DCLK2: variants seen among roughly 807,000 people sequenced by gnomAD.
DCLK2 encodes the protein serine/threonine-protein kinase DCLK2.
In DCLK2, 31 loss-of-function variants were observed where a neutral mutation model predicts 78.4. That is an observed-to-expected ratio of 0.40 (90% confidence interval 0.30 to 0.53). DCLK2 has a LOEUF of 0.53. Among genes scored for constraint, DCLK2 ranks in the 20% least tolerant of loss-of-function variants. DCLK2 has a pLI of 0.61. For synonymous variants in DCLK2, 407 were observed against 374.9 expected (o/e 1.09, Z -0.99); for missense variants, 872 against 973.7 (o/e 0.90, Z 1.39).
intron 15 of DCLK2, 112 bp from the exon 16 acceptor site, chr4:150,255,908 C>A (rs1744521448): frequency 1.4e-6 from 2 of 1,464,180 alleles, no homozygotes; most frequent in East Asian, 5.0e-5. Flanking sequence ...GGCGTTATTT[C>A]TCCTCTTCTG....
intron 2 of DCLK2, among the ~76,000 whole-genome samples, chr4:150,148,288 C>G (rs952809178): frequency 2.3e-4 from 35 of 152,244 alleles, no homozygotes; most frequent in African/African-American, 8.4e-4. Context: ...TTGCTTGAAC[C>G]CAGGAGGTTG....
intron 3 of DCLK2, among the ~76,000 whole-genome samples, chr4:150,195,966 T>G (rs1267295189): frequency 2.0e-5 from 3 of 152,160 alleles, no homozygotes; most frequent in Admixed American, 1.3e-4. Flanking sequence ...ATAATAATAT[T>G]ACACCAACAC....
chr4:150,237,758 C>T (rs958060979), intron 10 of DCLK2, among the ~76,000 whole-genome samples: 2 of 152,148 alleles, frequency 1.3e-5, no homozygotes, highest in South Asian at 2.1e-4. Context: ...CTAAATTTTT[C>T]TCCTTCTACA....
chr4:150,222,050 G>GGCACCATCATAGTTCACTGCA (rs1741228821), intron 7 of DCLK2, among the ~76,000 whole-genome samples: 2 of 151,914 alleles, frequency 1.3e-5, no homozygotes, highest in Non-Finnish European at 2.9e-5. Context: ...AGAGTGCAGT[G>GGCACCATCATAGTTCACTGCA]GCACCATCAT....
At chr4:150,096,189 C>T (rs1489986638) in intron 1 of DCLK2, among the ~76,000 whole-genome samples, 1 of 152,150 alleles carries the variant, frequency 6.6e-6, no homozygotes, top group African/African-American at 2.4e-5. Flanking sequence ...ACCGTTCTGC[C>T]AATTTTGTTG....
intron 10 of DCLK2, among the ~76,000 whole-genome samples, chr4:150,234,875 G>T (rs1429645831): frequency 6.6e-6 from 1 of 152,112 alleles, no homozygotes; most frequent in African/African-American, 2.4e-5. Flanking sequence ...CTCAAAACAG[G>T]CTTCTCGCCC....
chr4:150,106,456 A>G (rs1731260919), intron 2 of DCLK2, among the ~76,000 whole-genome samples: 1 of 152,244 alleles, frequency 6.6e-6, no homozygotes, highest in South Asian at 2.1e-4. Context: ...CTTTCCTTAG[A>G]TGAAGAGAAA....
intron 2 of DCLK2, among the ~76,000 whole-genome samples, chr4:150,184,616 T>G (rs1737773323): frequency 7.6e-6 from 1 of 131,302 alleles, no homozygotes; most frequent in Admixed American, 7.8e-5. Context: ...TTTTTTTTTT[T>G]TTTGAGACGG....
In DCLK2 at chr4:150,079,117, C is replaced by T; in HGVS notation, c.90C>T (p.Ser30=). Residue 30 remains serine, a synonymous_variant, in exon 1 of 16, where the codon TCC becomes TCT. Coordinates refer to ENST00000296550, the MANE Select transcript of DCLK2 (RefSeq NM_001040260.4). Reference sequence around the variant, plus strand: ...GGTCGCGGAGAGGGGCCCCCAGCTCCTCCGGGGGCAGCAGCAGCTCGGGCC... The same window carrying T: ...GGTCGCGGAGAGGGGCCCCCAGCTCTTCCGGGGGCAGCAGCAGCTCGGGCC... ...RPGSRRGAPS[S]SGGSSSSGPK... is the part of the protein sequence containing the mutation. 1.3e-6 allele frequency: 2 copies of T among 1,578,916 alleles called. No homozygotes were observed. The highest frequency in any genetic ancestry group is 1.7e-6 in the Non-Finnish European group (2 of 1,164,306).
chr4:150,079,009 C>A lies in DCLK2; in HGVS notation c.-19C>A. On this transcript the variant is annotated 5_prime_UTR_variant, in exon 1 of 16. Transcript: ENST00000296550. ...TCGGCCCGGAACGTCTTTTTGCGGA[C>A]GCCCTCGGAGCAGCCGCGATGGCCA... 6.6e-7 allele frequency: 1 copy of A among 1,510,586 alleles called. No individual in the cohort carries two copies. Among genetic ancestry groups the A allele is most frequent in the Non-Finnish European group, 8.8e-7 (1 of 1,133,078 alleles). The allele number at this position is 1,510,586 out of a possible 1,614,324, so 93.6% of individuals were successfully genotyped here. A position where few individuals can be genotyped will look rare whatever the true frequency, so the allele number is the denominator to read the frequency against.
intron 1 of DCLK2, among the ~76,000 whole-genome samples, chr4:150,087,526 A>C (rs1729732067): frequency 6.6e-6 from 1 of 152,264 alleles, no homozygotes; most frequent in Non-Finnish European, 1.5e-5. Context: ...TTTATTTAAC[A>C]TGCATACACA....
chr4:150,088,128 T>C (rs984901493), intron 1 of DCLK2, among the ~76,000 whole-genome samples: 1 of 152,212 alleles, frequency 6.6e-6, no homozygotes, highest in Non-Finnish European at 1.5e-5. Context: ...TTGCTCATCA[T>C]CTTGGTCTCT....
At chr4:150,209,174 T>G (rs1740103967) in intron 5 of DCLK2, among the ~76,000 whole-genome samples, 1 of 152,240 alleles carries the variant, frequency 6.6e-6, no homozygotes. Flanking sequence ...AGGTCCCTGT[T>G]AGGCCTCTTC....
intron 1 of DCLK2, among the ~76,000 whole-genome samples, chr4:150,089,574 A>C (rs1177332621): frequency 1.3e-5 from 2 of 152,226 alleles, no homozygotes; most frequent in African/African-American, 4.8e-5. Context: ...GATTAAAAAC[A>C]ATATAAAAAT....
intron 2 of DCLK2, among the ~76,000 whole-genome samples, chr4:150,122,183 A>G (rs926022686): frequency 6.6e-6 from 1 of 152,204 alleles, no homozygotes; most frequent in African/African-American, 2.4e-5. Flanking sequence ...CTGCTGCTTT[A>G]TCAACTAAGT....
intron 2 of DCLK2, among the ~76,000 whole-genome samples, chr4:150,177,931 G>T (rs1014653459): frequency 6.6e-6 from 1 of 152,120 alleles, no homozygotes; most frequent in Admixed American, 6.6e-5. Flanking sequence ...CTGGGGACCA[G>T]GAACAAAAGA....
At chr4:150,134,331 C>T (rs1299254387) in intron 2 of DCLK2, among the ~76,000 whole-genome samples, 1 of 152,026 alleles carries the variant, frequency 6.6e-6, no homozygotes, top group Non-Finnish European at 1.5e-5. Flanking sequence ...ATCCACCTGC[C>T]TCGGCCTCCC....
intron 2 of DCLK2, among the ~76,000 whole-genome samples, chr4:150,136,521 G>T (rs60884760): frequency 6.6e-6 from 1 of 152,130 alleles, no homozygotes; most frequent in Admixed American, 6.5e-5. Flanking sequence ...TCAAAGGAAT[G>T]GGGTTTTTGT....
chr4:150,227,346 ACTGTGCTAAGAATAGG>A (rs760244284), intron 8 of DCLK2, among the ~76,000 whole-genome samples: 2 of 152,264 alleles, frequency 1.3e-5, no homozygotes, highest in Non-Finnish European at 2.9e-5. Flanking sequence ...TCTGCAAGAC[ACTGTGCTAAGAATAGG>A]GTGATGTATA....
Sources: gnomAD v4.1 joint callset for allele counts (sites outside exome capture counted in the v4.1 genomes callset) on GRCh38, gnomAD v4.1.1 for gene constraint, MANE v1.5 for transcripts, NCBI Gene and HGNC (gene_info 2026-07-23, HGNC 2026-07-21) for gene names.